Variants in EYS observed in about 807,000 individuals in gnomAD.
EYS encodes the protein EGF-like photoreceptor maintenance factor, also known as protein eyes shut homolog.
EYS carries 250 observed loss-of-function variants against 282.1 expected under a neutral mutation model. The ratio of observed to expected loss-of-function variants is 0.89; its 90% CI spans 0.80 to 0.98. The LOEUF is 0.98. EYS is among the 50% of genes least tolerant of loss of function. The pLI, the probability that EYS is intolerant of heterozygous loss-of-function variation, is 0.00. For missense variants in EYS, 4,016 were observed against 3,709.0 expected (o/e 1.08, Z -2.15); for synonymous variants, 1,355 against 1,282.9 (o/e 1.06, Z -1.20).
At chr6:65,668,298 G>A (rs182348706) in intron 1 of EYS, among the ~76,000 whole-genome samples, 25 of 151,954 alleles carry the variant, frequency 1.6e-4, no homozygotes, top group African/African-American at 6.0e-4. Context: ...GTGAAAGCCT[G>A]ACTGTTTTTT....
chr6:64,268,155 C>A (rs1373680753), intron 30 of EYS, among the ~76,000 whole-genome samples: 1 of 151,784 alleles, frequency 6.6e-6, no homozygotes, highest in African/African-American at 2.4e-5. Flanking sequence ...TATGTCACAT[C>A]CATAAAATTA....
intron 19 of EYS, among the ~76,000 whole-genome samples, chr6:64,879,739 A>G (rs1766857543): frequency 6.6e-6 from 1 of 152,078 alleles, no homozygotes; most frequent in South Asian, 2.1e-4. Flanking sequence ...CTTCTGACTA[A>G]TAACATTTTT....
intron 22 of EYS, among the ~76,000 whole-genome samples, chr6:64,690,227 A>G (rs1189111362): frequency 2.0e-5 from 3 of 152,100 alleles, no homozygotes; most frequent in Non-Finnish European, 4.4e-5. Flanking sequence ...ACATGAAAAA[A>G]TGCTCATCAT....
intron 22 of EYS, among the ~76,000 whole-genome samples, chr6:64,689,999 C>T (rs1770313142): frequency 6.6e-6 from 1 of 151,998 alleles, no homozygotes; most frequent in South Asian, 2.1e-4. Context: ...AACTAAAGAG[C>T]TTCTGCACAG....
intron 5 of EYS, among the ~76,000 whole-genome samples, chr6:65,431,305 T>C (rs1002773550): frequency 1.3e-5 from 2 of 152,144 alleles, no homozygotes; most frequent in South Asian, 2.1e-4. Context: ...GTATCTTGGG[T>C]TGGTACTTCT....
chr6:63,969,731 T>C (rs1766466224), intron 35 of EYS, among the ~76,000 whole-genome samples: 1 of 152,204 alleles, frequency 6.6e-6, no homozygotes, highest in Admixed American at 6.5e-5. Context: ...ATCCCTGTTC[T>C]TCATCCCCCA....
intron 12 of EYS, among the ~76,000 whole-genome samples, chr6:65,218,543 T>C (rs1008456768): frequency 6.6e-6 from 1 of 152,080 alleles, no homozygotes; most frequent in Non-Finnish European, 1.5e-5. Context: ...AGACATCAAA[T>C]ATTTTCACTC....
At chr6:65,523,154 T>G (rs1323156670) in intron 2 of EYS, among the ~76,000 whole-genome samples, 1 of 152,218 alleles carries the variant, frequency 6.6e-6, no homozygotes, top group Non-Finnish European at 1.5e-5. Flanking sequence ...TGATTTTTAT[T>G]AGTAACATTT....
intron 12 of EYS, among the ~76,000 whole-genome samples, chr6:65,272,266 C>A (rs1328682870): frequency 6.6e-6 from 1 of 152,104 alleles, no homozygotes; most frequent in Admixed American, 6.6e-5. Flanking sequence ...ATTCCATGGG[C>A]AATCAGTGCT....
chr6:65,210,277 C>G (rs765996455), intron 12 of EYS, among the ~76,000 whole-genome samples: 26 of 152,078 alleles, frequency 1.7e-4, no homozygotes, highest in Non-Finnish European at 3.2e-4. Flanking sequence ...TCAGTCTTGA[C>G]TCTTGTGAAA....
At chr6:64,547,787 C>T (rs563735800) in intron 26 of EYS, among the ~76,000 whole-genome samples, 15 of 152,258 alleles carry the variant, frequency 9.9e-5, no homozygotes, top group South Asian at 8.3e-4. Flanking sequence ...CGGCGTTGGT[C>T]GGGGCGGCTC....
intron 27 of EYS, 117 bp from the exon 28 acceptor site, chr6:64,436,382 A>G (rs536591006): frequency 6.0e-5 from 36 of 604,518 alleles, no homozygotes; most frequent in Admixed American, 1.5e-4. Flanking sequence ...GAGAGACATG[A>G]AGTTTGAAAC....
chr6:65,429,964 C>T (rs142286039), intron 5 of EYS, among the ~76,000 whole-genome samples: 5 of 152,156 alleles, frequency 3.3e-5, no homozygotes, highest in African/African-American at 1.2e-4. Context: ...TGTTTTAATC[C>T]TCATAATAAC....
chr6:63,819,603 A>C (rs758797798), intron 36 of EYS, among the ~76,000 whole-genome samples: 4 of 152,226 alleles, frequency 2.6e-5, no homozygotes, highest in Admixed American at 6.5e-5. Flanking sequence ...GCTGCCACAG[A>C]GTCTTTAATA....
At chr6:65,634,785 T>C (rs147684041) in intron 2 of EYS, among the ~76,000 whole-genome samples, 1 of 152,328 alleles carries the variant, frequency 6.6e-6, no homozygotes, top group East Asian at 1.9e-4. Flanking sequence ...CCTGAGGCCC[T>C]GCAAGCTGAA....
At chr6:65,375,296 G>A (rs1277461030) in intron 8 of EYS, among the ~76,000 whole-genome samples, 1 of 152,118 alleles carries the variant, frequency 6.6e-6, no homozygotes, top group Non-Finnish European at 1.5e-5. Flanking sequence ...AGAGGGGCCT[G>A]ACCATCAGAA....
At chr6:64,962,283 G>A (rs1276851872) in intron 14 of EYS, among the ~76,000 whole-genome samples, 2 of 145,796 alleles carry the variant, frequency 1.4e-5, no homozygotes, top group South Asian at 4.5e-4. Flanking sequence ...ATAAACAGAG[G>A]TTTATTTTAT....
At chr6:65,480,390 C>A (rs534074334) in intron 5 of EYS, among the ~76,000 whole-genome samples, 4 of 151,922 alleles carry the variant, frequency 2.6e-5, no homozygotes, top group Non-Finnish European at 5.9e-5. Context: ...ACAGATACTA[C>A]CATATTATTA....
chr6:64,938,252 T>A (rs1768974620), intron 15 of EYS, among the ~76,000 whole-genome samples: 1 of 151,604 alleles, frequency 6.6e-6, no homozygotes, highest in Non-Finnish European at 1.5e-5. Flanking sequence ...AGTTCTCTCC[T>A]TTTCCATGGT....
Sources: allele counts gnomAD v4.1 joint callset (sites outside exome capture counted in the v4.1 genomes callset), GRCh38; gene constraint gnomAD v4.1.1; transcripts MANE v1.5; gene names NCBI Gene and HGNC (gene_info 2026-07-23, HGNC 2026-07-21).